The following ABCA13 variants were observed in gnomAD, a reference collection of about 807,000 sequenced individuals.
ABCA13 encodes ATP-binding cassette sub-family A member 13.
A neutral mutation model predicts 478.7 loss-of-function variants in ABCA13; 476 were observed. The ratio of observed to expected loss-of-function variants is 0.99; its 90% CI spans 0.92 to 1.07. ABCA13 has a LOEUF of 1.07. ABCA13 is among the 50% of genes least tolerant of loss of function. The pLI is 0.00. For missense variants in ABCA13, 6,060 were observed against 5,910.6 expected, an observed-to-expected ratio of 1.03 and a Z score of -0.83; for synonymous variants, 2,252 against 2,158.9, an observed-to-expected ratio of 1.04 and a Z score of -1.20.
chr7:48,409,237 T>A (rs1046709059), intron 39 of ABCA13, among the ~76,000 whole-genome samples: 1 of 152,020 alleles, frequency 6.6e-6, no homozygotes, highest in African/African-American at 2.4e-5. Context: ...CAATAGGGAG[T>A]GTCGAAGCTA....
intron 14 of ABCA13, among the ~76,000 whole-genome samples, chr7:48,248,966 T>G (rs1792113805): frequency 6.6e-6 from 1 of 152,166 alleles, no homozygotes; most frequent in Non-Finnish European, 1.5e-5. Context: ...TTTTTGTCCT[T>G]CTTGATTTAT....
At chr7:48,408,654 A>G (rs1032683307) in intron 39 of ABCA13, among the ~76,000 whole-genome samples, 1 of 151,858 alleles carries the variant, frequency 6.6e-6, no homozygotes, top group Admixed American at 6.6e-5. Context: ...TTTTGTTTTT[A>G]ATTGACACAT....
chr7:48,494,898 A>G (rs1830144331), intron 48 of ABCA13, among the ~76,000 whole-genome samples: 1 of 152,196 alleles, frequency 6.6e-6, no homozygotes, highest in Non-Finnish European at 1.5e-5. Flanking sequence ...TAAAGAACAA[A>G]CATGCAGTAT....
intron 55 of ABCA13, among the ~76,000 whole-genome samples, chr7:48,538,459 T>C (rs1301832059): frequency 6.6e-6 from 1 of 152,188 alleles, no homozygotes; most frequent in Non-Finnish European, 1.5e-5. Flanking sequence ...TTTTGAAGTT[T>C]AATTTACATA....
At chr7:48,437,697 T>C (rs894534562) in intron 42 of ABCA13, among the ~76,000 whole-genome samples, 2 of 152,090 alleles carry the variant, frequency 1.3e-5, no homozygotes, top group African/African-American at 4.8e-5. Context: ...TTGGGAACTG[T>C]GCACTTGATA....
rs200659146 is a variant in ABCA13 at position 48,645,446 on chromosome 7, G to A, written c.15111G>A (p.Gln5037=). The part of the protein sequence containing the change: ...QVFINFASEQ[Q]QTLQSTLDPS... ...TTATTAATTTTGCTTCTGAGCAGCAGCAAACTCTACAATCTACTCTTGATC... is the reference window on the plus strand; with the variant it reads ...TTATTAATTTTGCTTCTGAGCAGCAACAAACTCTACAATCTACTCTTGATC... The change falls in exon 62 of 62, where the codon CAG becomes CAA. Residue 5037 remains glutamine (Q), a synonymous_variant. Coordinates refer to ENST00000435803, the MANE Select transcript of ABCA13 (RefSeq NM_152701.5). 3.2e-6 allele frequency: 5 copies of A among 1,582,556 alleles called. No individual in the cohort carries two copies. Among genetic ancestry groups the A allele is most frequent in the Non-Finnish European group, 4.3e-6 (5 of 1,163,118 alleles).
chr7:48,186,543 C>CT (rs944409514), intron 1 of ABCA13, among the ~76,000 whole-genome samples: 2 of 151,886 alleles, frequency 1.3e-5, no homozygotes, highest in Non-Finnish European at 1.5e-5. Flanking sequence ...GTGGTATGTA[C>CT]TTTATCTATG....
At chr7:48,550,831 T>G (rs1785252287) in intron 55 of ABCA13, among the ~76,000 whole-genome samples, 1 of 151,460 alleles carries the variant, frequency 6.6e-6, no homozygotes, top group African/African-American at 2.4e-5. Flanking sequence ...ACACTATCAG[T>G]GTGCACCAAC....
intron 45 of ABCA13, among the ~76,000 whole-genome samples, chr7:48,477,067 G>A (rs914142636): frequency 5.3e-5 from 8 of 152,126 alleles, no homozygotes; most frequent in Admixed American, 3.3e-4. Context: ...TAATAACATC[G>A]TCAAGATACA....
At position 48,580,334 on chromosome 7, in the gene ABCA13, A is replaced by T; in HGVS notation, c.14465A>T (p.Tyr4822Phe). The T allele has an allele frequency of 3.1e-6, 5 of 1,612,974 alleles. No individual in the cohort carries two copies. Among genetic ancestry groups the T allele is most frequent in the Non-Finnish European group, 3.4e-6 (4 of 1,179,528 alleles). ...ACTGGTTGGGAACATCTCTATTATTACTGTAGCTTACGCGGGATTCCAAGG... is the reference window on the plus strand; with the variant it reads ...ACTGGTTGGGAACATCTCTATTATTTCTGTAGCTTACGCGGGATTCCAAGG... ...LLTGWEHLYY[Y>F]CSLRGIPRQC... The change falls in exon 56 of 62, where the codon TAC becomes TTC. Residue 4822 changes from tyrosine (Y) to phenylalanine (F), a missense_variant. Tyr to Phe is a conservative substitution (Grantham distance 22, BLOSUM62 3). Transcript: ENST00000435803.
intron 23 of ABCA13, among the ~76,000 whole-genome samples, chr7:48,305,655 T>A (rs1041701750): frequency 4.6e-5 from 7 of 152,208 alleles, no homozygotes; most frequent in African/African-American, 1.4e-4. Context: ...AGGCCATCTC[T>A]GGTGCTCTCC....
At chr7:48,587,472 C>T (rs992448979) in intron 57 of ABCA13, among the ~76,000 whole-genome samples, 184 bp downstream of exon 57, 2 of 152,084 alleles carry the variant, frequency 1.3e-5, no homozygotes, top group Admixed American at 1.3e-4. Flanking sequence ...AGAAATAAAA[C>T]ATTTATTTTT....
At chr7:48,367,691 G>C in intron 31 of ABCA13, 103 bp from the exon 32 acceptor site, 1 of 847,224 alleles carries the variant, frequency 1.2e-6, no homozygotes, top group Non-Finnish European at 1.9e-6. Context: ...GACCAAAGGA[G>C]ATATCACTCC....
intron 15 of ABCA13, among the ~76,000 whole-genome samples, chr7:48,259,489 G>C (rs143287082): frequency 6.6e-6 from 1 of 152,016 alleles, no homozygotes; most frequent in African/African-American, 2.4e-5. Context: ...TCAGCTTATG[G>C]GTGTCATCGC....
chr7:48,621,999 C>A lies in ABCA13; in HGVS notation c.14837+6622C>A, dbSNP rs1365695028. On this transcript the variant is annotated intron_variant, in intron 59 of 61. Transcript: ENST00000435803. ...CATCTAGAGTATAGAATTTCGGGGA[C>A]CCAACCTCATAGGGAAAAGTGTATT... Among the ~76,000 whole-genome samples, 3 of 152,236 alleles carry A rather than the reference C, an allele frequency of 2.0e-5. No homozygotes were observed. The East Asian group carries it at 5.8e-4, about 29-fold the overall frequency.
At chr7:48,510,608 C>T (rs1458955180) in intron 50 of ABCA13, among the ~76,000 whole-genome samples, 4 of 152,132 alleles carry the variant, frequency 2.6e-5, no homozygotes, top group Non-Finnish European at 4.4e-5. Context: ...AGCTTCACCC[C>T]GGAAACTTGA....
At chr7:48,410,988 T>A (rs1288452550) in intron 40 of ABCA13, among the ~76,000 whole-genome samples, 1 of 83,640 alleles carries the variant, frequency 1.2e-5, no homozygotes, top group Non-Finnish European at 2.5e-5. Flanking sequence ...TCTTTCTTTC[T>A]TTCTTTCTTT....
chr7:48,373,623 G>T (rs567848825), intron 33 of ABCA13, among the ~76,000 whole-genome samples: 1 of 152,312 alleles, frequency 6.6e-6, no homozygotes, highest in Admixed American at 6.5e-5. Flanking sequence ...GCTGTTTTCA[G>T]AATAATTAAC....
At chr7:48,517,929 T>C (rs1832253791) in intron 52 of ABCA13, among the ~76,000 whole-genome samples, 1 of 152,178 alleles carries the variant, frequency 6.6e-6, no homozygotes, top group African/African-American at 2.4e-5. Flanking sequence ...GCCTATTTAA[T>C]TGGGATGAGT....
Sources: allele counts gnomAD v4.1 joint callset (sites outside exome capture counted in the v4.1 genomes callset), GRCh38; gene constraint gnomAD v4.1.1; transcripts MANE v1.5; gene names NCBI Gene and HGNC (gene_info 2026-07-23, HGNC 2026-07-21).